The following ANK1 variants were observed in gnomAD, a reference collection of about 807,000 sequenced individuals.
ANK1 encodes ankyrin 1.
ANK1 carries 51 observed loss-of-function variants against 210.4 expected under a neutral mutation model. The ratio of observed to expected loss-of-function variants is 0.24; its 90% CI spans 0.19 to 0.31. The LOEUF (loss-of-function observed/expected upper bound fraction) is 0.31. Ranked by LOEUF, ANK1 falls within the 10% of genes least tolerant of loss-of-function variation. The pLI, the probability that ANK1 is intolerant of heterozygous loss-of-function variation, is 1.00. For synonymous variants in ANK1, 967 were observed against 1,025.9 expected (o/e 0.94, Z 1.10); for missense variants, 2,051 against 2,504.4 (o/e 0.82, Z 3.86).
At chr8:41,813,881 T>G (rs1802873554) in intron 1 of ANK1, among the ~76,000 whole-genome samples, 1 of 152,168 alleles carries the variant, frequency 6.6e-6, no homozygotes, top group Non-Finnish European at 1.5e-5. Flanking sequence ...CCACATCAGT[T>G]GTTTGTTTTT....
At chr8:41,791,656 C>T (rs1219046784) in intron 1 of ANK1, among the ~76,000 whole-genome samples, 1 of 152,154 alleles carries the variant, frequency 6.6e-6, no homozygotes, top group East Asian at 1.9e-4. Context: ...GGGTCTTGAT[C>T]TCTTGACCTC....
chr8:41,696,912 C>A (rs761955989), intron 24 of ANK1, 139 bp from the exon 25 acceptor site: 28 of 819,738 alleles, frequency 3.4e-5, no homozygotes, highest in Non-Finnish European at 5.4e-5. Flanking sequence ...GGGACCCCAC[C>A]GCCCTGTCAG....
At chr8:41,708,199 G>T (rs528293504) in intron 17 of ANK1, among the ~76,000 whole-genome samples, 11 of 151,868 alleles carry the variant, frequency 7.2e-5, no homozygotes, top group Non-Finnish European at 1.6e-4. Context: ...ATTTAAAAAA[G>T]AAGTGATTTT....
rs750966839 is a variant in ANK1 at position 41,758,028 on chromosome 8, C to T, written c.129+8G>A. On this transcript the variant is annotated splice_region_variant and intron_variant, in intron 2 of 42. Transcript: ENST00000289734. ...CAGAGACAACAGGCCTGCCTCCATC[C>T]CACTTACCTGGTTACAGGTGTTAAT... 15 of 1,612,526 alleles carry T rather than the reference C, an allele frequency of 9.3e-6. No homozygotes were observed. Among genetic ancestry groups the T allele is most frequent in the Non-Finnish European group, 1.2e-5 (14 of 1,178,654 alleles).
chr8:41,773,191 G>T (rs1279710080), intron 1 of ANK1, among the ~76,000 whole-genome samples: 1 of 151,940 alleles, frequency 6.6e-6, no homozygotes, highest in African/African-American at 2.4e-5. Flanking sequence ...GGTGTCCTGG[G>T]CACCCGGCCT....
chr8:41,693,900 A>G lies in ANK1; in HGVS notation c.3530T>C (p.Ile1177Thr), dbSNP rs1255521288. 5 of 1,606,042 alleles carry G rather than the reference A, an allele frequency of 3.1e-6. No individual in the cohort carries two copies. The highest frequency in any genetic ancestry group is 4.2e-6 in the Non-Finnish European group (5 of 1,176,750). The stretch of plus-strand genomic sequence containing the variant: ...AGCGAGGCAGGGGCCCCTCTCACCA[A>G]TGACGCTGCAAAGCAGGCGCAGGCT... ...TTSLRLLCSV[I>T]GGTDQAQWED... Residue 1177 changes from isoleucine to threonine, a missense_variant and splice_region_variant, in exon 29 of 43, where the codon ATT becomes ACT. By Grantham distance (89) the Ile-to-Thr change is moderately conservative. Around this residue, in one of 6 missense-constraint regions of ANK1, gnomAD observed 1,413 missense variants for 1,707.4 expected, o/e 0.83. Coordinates refer to ENST00000289734, the MANE Select transcript of ANK1 (RefSeq NM_000037.4).
intron 16 of ANK1, among the ~76,000 whole-genome samples, chr8:41,709,534 T>A (rs939945358): frequency 6.6e-6 from 1 of 152,264 alleles, no homozygotes; most frequent in African/African-American, 2.4e-5. Flanking sequence ...TCCTTCTGTA[T>A]CTTTTAAGTC....
At chr8:41,713,940 G>A (rs1423336915) in intron 16 of ANK1, among the ~76,000 whole-genome samples, 1 of 152,214 alleles carries the variant, frequency 6.6e-6, no homozygotes, top group Non-Finnish European at 1.5e-5. Flanking sequence ...ACCCCTGGCT[G>A]GGAATTGTTA....
intron 1 of ANK1, among the ~76,000 whole-genome samples, chr8:41,794,193 A>T (rs1255099817): frequency 6.6e-6 from 1 of 152,200 alleles, no homozygotes; most frequent in Non-Finnish European, 1.5e-5. Context: ...AGGCAGAAGT[A>T]AAATCCCCAC....
intron 17 of ANK1, 37 bp downstream of exon 17, chr8:41,708,741 C>T (rs778275094): frequency 1.2e-6 from 2 of 1,609,404 alleles, no homozygotes; most frequent in East Asian, 2.2e-5. Flanking sequence ...CGTTGTTATC[C>T]AGCACTCCAG....
chr8:41,713,772 CA>C (rs1776858715), intron 16 of ANK1, among the ~76,000 whole-genome samples: 2 of 152,308 alleles, frequency 1.3e-5, no homozygotes, highest in South Asian at 4.1e-4. Flanking sequence ...TGCACAGTCC[CA>C]CGGAGTCAGA....
At chr8:41,696,930 C>T (rs191735467) in intron 24 of ANK1, among the ~76,000 whole-genome samples, 157 bp from the exon 25 acceptor site, 2 of 152,180 alleles carry the variant, frequency 1.3e-5, no homozygotes, top group African/African-American at 4.8e-5. Flanking sequence ...CAGACAAGGC[C>T]GTCCTGAGGT....
intron 5 of ANK1, among the ~76,000 whole-genome samples, chr8:41,726,570 A>G (rs1295969101): frequency 6.6e-6 from 1 of 152,050 alleles, no homozygotes; most frequent in Non-Finnish European, 1.5e-5. Flanking sequence ...CTTTTTCTGT[A>G]GAGACGGGGT....
At chr8:41,717,570 AG>A (rs1305483486) in intron 12 of ANK1, 33 bp downstream of exon 12, 8 of 1,531,284 alleles carry the variant, frequency 5.2e-6, no homozygotes, top group Non-Finnish European at 7.1e-6. Flanking sequence ...CTCTTGGTCT[AG>A]GGGAGCAAGC....
At chr8:41,890,425 G>A (rs1008847736) in intron 1 of ANK1, among the ~76,000 whole-genome samples, 5 of 152,212 alleles carry the variant, frequency 3.3e-5, no homozygotes, top group African/African-American at 1.2e-4. Context: ...AACACTGGCT[G>A]GGTGGGGGCA....
chr8:41,822,142 GAAAGAAAGAAAGAA>G (rs1563845908), intron 1 of ANK1, among the ~76,000 whole-genome samples: 5 of 45,020 alleles, frequency 1.1e-4, no homozygotes, highest in Admixed American at 1.0e-3. Context: ...GAGAAAGAAA[GAAAGAAAGAAAGAA>G]AGAAAGAAAG....
intron 1 of ANK1, among the ~76,000 whole-genome samples, chr8:41,860,356 C>G (rs948273477): frequency 3.3e-5 from 5 of 152,170 alleles, no homozygotes; most frequent in African/African-American, 1.2e-4. Context: ...CAAGAGAACC[C>G]CAAACTACAA....
intron 1 of ANK1, among the ~76,000 whole-genome samples, chr8:41,760,410 TC>T (rs1361019403): frequency 6.6e-6 from 1 of 152,306 alleles, no homozygotes; most frequent in East Asian, 1.9e-4. Flanking sequence ...ATGCCTTTGC[TC>T]TTCCTTCATC....
intron 1 of ANK1, among the ~76,000 whole-genome samples, chr8:41,768,403 T>C (rs1401688229): frequency 6.6e-6 from 1 of 152,248 alleles, no homozygotes; most frequent in Non-Finnish European, 1.5e-5. Flanking sequence ...ACAGTACAGC[T>C]GCGCGTTGGT....
Sources: gnomAD v4.1 joint callset for allele counts (sites outside exome capture counted in the v4.1 genomes callset) on GRCh38, gnomAD v4.1.1 for gene constraint, gnomAD v4.1.1 regional missense constraint, MANE v1.5 for transcripts, NCBI Gene and HGNC (gene_info 2026-07-23, HGNC 2026-07-21) for gene names.